Variants in PRG2 observed in about 807,000 individuals in gnomAD.
The protein encoded by PRG2 is proteoglycan 2, pro eosinophil major basic protein.
A neutral mutation model predicts 24.7 loss-of-function variants in PRG2; 23 were observed. The ratio of observed to expected loss-of-function variants is 0.93; its 90% CI spans 0.67 to 1.32. The LOEUF (loss-of-function observed/expected upper bound fraction) is 1.32, where lower values mean the gene tolerates loss of function less well. PRG2 is among the 40% of genes most tolerant of loss of function. The probability of loss-of-function intolerance (pLI) is 0.00; values close to 1 mark genes in which losing one functional copy is unlikely to be tolerated. For missense variants in PRG2, 271 were observed against 280.9 expected (o/e 0.96, Z 0.25); for synonymous variants, 104 against 99.8 (o/e 1.04, Z -0.25).
At chr11:57,388,807 C>T (rs1045924249) in intron 3 of PRG2, 99 bp from the exon 4 acceptor site, 147 of 1,526,966 alleles carry the variant, frequency 9.6e-5, no homozygotes, top group Non-Finnish European at 1.3e-4. Context: ...TCCCCTGCCA[C>T]AACCATTTGA....
At position 57,387,255 on chromosome 11, in the gene PRG2, T is replaced by G. The variant is rs1021437029; in HGVS notation, c.*220A>C. The G allele has an allele frequency of 9.8e-6, 5 of 510,648 alleles. No individual in the cohort carries two copies. Among genetic ancestry groups the G allele is most frequent in the South Asian group, 2.7e-5 (1 of 37,668 alleles). 31.6% of individuals were successfully genotyped at this position (510,648 alleles called of 1,614,324 possible). On this transcript the variant is annotated 3_prime_UTR_variant, in exon 6 of 6. Transcript: ENST00000311862. Reference sequence around the variant, plus strand: ...CTCCATCCTCCTCCTCAAGGAGTAGTAGCTTCTGACACTTCTATGAAAGTT... The same window carrying G: ...CTCCATCCTCCTCCTCAAGGAGTAGGAGCTTCTGACACTTCTATGAAAGTT...
intron 5 of PRG2, 25 bp from the exon 6 acceptor site, chr11:57,387,558 C>A (rs1857068706): frequency 6.2e-7 from 1 of 1,603,916 alleles, no homozygotes; most frequent in African/African-American, 1.3e-5. Flanking sequence ...CAGAAAGGGA[C>A]TTTCAGCCTC....
At chr11:57,390,036 GT>G in intron 1 of PRG2, 80 bp from the exon 2 acceptor site, 1 of 1,204,872 alleles carries the variant, frequency 8.3e-7, no homozygotes, top group Non-Finnish European at 1.2e-6. Flanking sequence ...TTAGGGGACC[GT>G]GGGAGTGAGG....
At chr11:57,389,715 C>T (rs575942403) in intron 2 of PRG2, among the ~76,000 whole-genome samples, 172 bp downstream of exon 2, 34 of 152,280 alleles carry the variant, frequency 2.2e-4, no homozygotes, top group African/African-American at 7.2e-4. Context: ...ACATAACAGA[C>T]GCCTTGAGAA....
intron 3 of PRG2, 120 bp from the exon 4 acceptor site, chr11:57,388,828 C>T (rs1387229876): frequency 6.8e-7 from 1 of 1,475,854 alleles, no homozygotes; most frequent in African/African-American, 1.4e-5. Flanking sequence ...AGGTTGGAGA[C>T]CAAAATGCAA....
At position 57,389,052 on chromosome 11, in the gene PRG2, G is replaced by C. The variant is rs1432045138; in HGVS notation, c.324C>G (p.Arg108=). 6.2e-7 allele frequency: 1 copy of C among 1,614,160 alleles called. No homozygotes were observed. Among genetic ancestry groups the C allele is most frequent in the Non-Finnish European group, 8.5e-7 (1 of 1,180,030 alleles). The change falls in exon 3 of 6, where the codon CGC becomes CGG. Residue 108 remains arginine (R), a synonymous_variant. Transcript: ENST00000311862. ...VVGIPGCQTC[R]YLLVRSLQTF... ...TCTGAAGACTTCTCACCAGGAGGTA[G>C]CGGCAGGTCTGGCACCCAGGGATGC... is the stretch of plus-strand genomic sequence containing the variant.
At position 57,387,820 on chromosome 11, in the gene PRG2, A is replaced by G; in HGVS notation, c.544T>C (p.Phe182Leu). The part of the protein sequence containing the change: ...FQWVDGSRWN[F>L]AYWAAHQPWS... Reference sequence around the variant, plus strand: ...GGCTGGTGAGCAGCCCAGTATGCAAAGTTCCAGCGGCTGCCGTCAACCCAC... The same window carrying G: ...GGCTGGTGAGCAGCCCAGTATGCAAGGTTCCAGCGGCTGCCGTCAACCCAC... Residue 182 changes from phenylalanine to leucine, a missense_variant, in exon 5 of 6, where the codon TTT becomes CTT. Phe to Leu is a conservative substitution (Grantham distance 22). Coordinates refer to ENST00000311862, the MANE Select transcript of PRG2 (RefSeq NM_002728.6). The G allele has an allele frequency of 6.3e-7, 1 of 1,584,246 alleles. No individual in the cohort carries two copies. The highest frequency in any genetic ancestry group is 1.3e-5 in the African/African-American group (1 of 74,878).
rs535519183 is a variant in PRG2 at position 57,387,267 on chromosome 11, C to T, written c.*208G>A. 5.0e-4 allele frequency: 264 copies of T among 529,476 alleles called. No individual in the cohort carries two copies. Among genetic ancestry groups the T allele is most frequent in the Non-Finnish European group, 8.1e-4 (242 of 300,418 alleles). 32.8% of individuals were successfully genotyped at this position (529,476 alleles called of 1,614,324 possible). A position where few individuals can be genotyped will look rare whatever the true frequency, so the allele number is the denominator to read the frequency against. On this transcript the variant is annotated 3_prime_UTR_variant, in exon 6 of 6. Coordinates refer to ENST00000311862, the MANE Select transcript of PRG2 (RefSeq NM_002728.6). ...CCTCAAGGAGTAGTAGCTTCTGACA[C>T]TTCTATGAAAGTTGTGGTGTGGGGA...
chr11:57,389,773 G>T, intron 2 of PRG2, 114 bp downstream of exon 2: 1 of 993,378 alleles, frequency 1.0e-6, no homozygotes, highest in South Asian at 1.7e-5. Context: ...TAAGCACACA[G>T]AAATTCAGAA....
chr11:57,389,896 G>C lies in PRG2; in HGVS notation c.49C>G (p.Leu17Val). 6.2e-7 allele frequency: 1 copy of C among 1,611,056 alleles called. No homozygotes were observed. Among genetic ancestry groups the C allele is most frequent in the South Asian group, 1.1e-5 (1 of 90,692 alleles). Residue 17 changes from leucine to valine, a missense_variant, in exon 2 of 6, where the codon CTT becomes GTT. Transcript: ENST00000311862. The part of the protein sequence containing the change: ...LALLFGAVSA[L>V]HLRSETSTFE... The stretch of plus-strand genomic sequence containing the variant: ...GGCAAAAAACACTTACTTAGATGAA[G>C]AGCAGAAACTGCCCCAAATAGAAGA...
intron 4 of PRG2, 28 bp downstream of exon 4, chr11:57,388,549 C>A: frequency 6.2e-7 from 1 of 1,612,472 alleles, no homozygotes; most frequent in Non-Finnish European, 8.5e-7. Context: ...AGCAGGTGCA[C>A]CCCATTTAGT....
chr11:57,388,204 C>T (rs577828291), intron 4 of PRG2, among the ~76,000 whole-genome samples: 28 of 151,784 alleles, frequency 1.8e-4, no homozygotes, highest in Non-Finnish European at 2.9e-4. Context: ...GGCGGAGTTT[C>T]GCTCTTGTTG....
At chr11:57,389,363 G>A (rs769080553) in intron 2 of PRG2, 46 bp from the exon 3 acceptor site, 1 of 1,569,790 alleles carries the variant, frequency 6.4e-7, no homozygotes, top group African/African-American at 1.3e-5. Flanking sequence ...ATCTCCCCTT[G>A]TTCCTCCCCA....
intron 2 of PRG2, among the ~76,000 whole-genome samples, chr11:57,389,657 T>A (rs1857120432): frequency 6.6e-6 from 1 of 152,042 alleles, no homozygotes; most frequent in Non-Finnish European, 1.5e-5. Flanking sequence ...GTAAGCATAA[T>A]GGAGAAAGGA....
intron 3 of PRG2, 118 bp from the exon 4 acceptor site, chr11:57,388,826 G>A: frequency 6.8e-7 from 1 of 1,480,072 alleles, no homozygotes; most frequent in Non-Finnish European, 9.1e-7. Context: ...GAAGGTTGGA[G>A]ACCAAAATGC....
At position 57,387,228 on chromosome 11, in the gene PRG2, C is replaced by CT. The variant is rs1330127071; in HGVS notation, c.*246_*247insA. 1 of 453,530 alleles carries CT rather than the reference C, an allele frequency of 2.2e-6. No individual in the cohort carries two copies. Among genetic ancestry groups the CT allele is most frequent in the Non-Finnish European group, 3.9e-6 (1 of 255,968 alleles). 28.1% of individuals were successfully genotyped at this position (453,530 alleles called of 1,614,324 possible). On this transcript the variant is annotated 3_prime_UTR_variant, in exon 6 of 6. Transcript: ENST00000311862. ...AAAAGGCTCCATAGACCCAACTCCACCCTCCATCCTCCTCCTCAAGGAGTA... is the reference window on the plus strand; with the variant it reads ...AAAAGGCTCCATAGACCCAACTCCACTCCTCCATCCTCCTCCTCAAGGAGTA...
chr11:57,390,065 T>A lies in PRG2; in HGVS notation c.-12-109A>T, dbSNP rs952942177. 4 of 915,956 alleles carry A rather than the reference T, an allele frequency of 4.4e-6. No individual in the cohort carries two copies. In the Admixed American group the frequency reaches 1.0e-4, roughly 23 times the overall value. 56.7% of individuals were successfully genotyped at this position (915,956 alleles called of 1,614,324 possible). A position where few individuals can be genotyped will look rare whatever the true frequency, so the allele number is the denominator to read the frequency against. ...GAGTGAGGTGGAGAAAAAGAAGGCC[T>A]GAATAGAAATCAGGATGGGCCAGAA... On this transcript the variant is annotated intron_variant, in intron 1 of 5. Coordinates refer to ENST00000311862, the MANE Select transcript of PRG2 (RefSeq NM_002728.6).
At position 57,388,805 on chromosome 11, in the gene PRG2, C is replaced by A; in HGVS notation, c.367-97G>T. ...ACAATTCATTCCCTCCCTCCCCTGC[C>A]ACAACCATTTGAAGGTTGGAGACCA... On this transcript the variant is annotated intron_variant, in intron 3 of 5. Coordinates refer to ENST00000311862, the MANE Select transcript of PRG2 (RefSeq NM_002728.6). 7 of 1,529,978 alleles carry A rather than the reference C, an allele frequency of 4.6e-6. No individual in the cohort carries two copies. The South Asian group carries it at 8.7e-5, about 19-fold the overall frequency. 94.8% of individuals were successfully genotyped at this position (1,529,978 alleles called of 1,614,324 possible). A position where few individuals can be genotyped will look rare whatever the true frequency, so the allele number is the denominator to read the frequency against.
At chr11:57,388,965 A>G (rs3741089) in intron 3 of PRG2, 45 bp downstream of exon 3, 678,435 of 1,585,392 alleles carry the variant, frequency 0.43, 150,040 homozygotes, top group Non-Finnish European at 0.47. Context: ...CATATCCCAC[A>G]CCCGTTCCAT....
Sources: allele counts gnomAD v4.1 joint callset (sites outside exome capture counted in the v4.1 genomes callset), GRCh38; gene constraint gnomAD v4.1.1; transcripts MANE v1.5; gene names NCBI Gene and HGNC (gene_info 2026-07-23, HGNC 2026-07-21).